PTPRD: variants seen among roughly 807,000 people sequenced by gnomAD.
PTPRD encodes the protein receptor-type tyrosine-protein phosphatase delta.
PTPRD carries 34 observed loss-of-function variants against 214.5 expected under a neutral mutation model. The ratio of observed to expected loss-of-function variants is 0.16; its 90% confidence interval spans 0.12 to 0.21. The LOEUF (loss-of-function observed/expected upper bound fraction) is 0.21, where lower values mean the gene tolerates loss of function less well. Ranked by LOEUF, PTPRD falls within the 10% of genes least tolerant of loss-of-function variation. The pLI, the probability that PTPRD is intolerant of heterozygous loss-of-function variation, is 1.00. For missense variants in PTPRD, 2,545 were observed against 2,398.7 expected (o/e 1.06, Z -1.27); for synonymous variants, 1,128 against 845.7 (o/e 1.33, Z -5.79).
intron 5 of PTPRD, among the ~76,000 whole-genome samples, chr9:9,924,422 A>T (rs903231216): frequency 6.6e-6 from 1 of 152,062 alleles, no homozygotes; most frequent in African/African-American, 2.4e-5. Flanking sequence ...TCTTAATATA[A>T]TACTATTTGA....
At chr9:9,322,103 T>TAC (rs762984686) in intron 9 of PTPRD, among the ~76,000 whole-genome samples, 1 of 152,180 alleles carries the variant, frequency 6.6e-6, no homozygotes, top group East Asian at 1.9e-4. Context: ...GCTCTAAGTG[T>TAC]ACAGGCAAAA....
At chr9:9,299,201 A>T (rs1332340331) in intron 9 of PTPRD, among the ~76,000 whole-genome samples, 1 of 151,830 alleles carries the variant, frequency 6.6e-6, no homozygotes, top group Non-Finnish European at 1.5e-5. Context: ...TTTGGTAATG[A>T]ACATGATATT....
At chr9:10,375,444 T>C (rs528541066) in intron 2 of PTPRD, among the ~76,000 whole-genome samples, 2 of 152,126 alleles carry the variant, frequency 1.3e-5, no homozygotes, top group Non-Finnish European at 2.9e-5. Context: ...GACTACCTAA[T>C]TGTCATTTCA....
At chr9:8,965,655 T>C (rs1465220601) in intron 11 of PTPRD, among the ~76,000 whole-genome samples, 2 of 152,062 alleles carry the variant, frequency 1.3e-5, no homozygotes, top group Non-Finnish European at 2.9e-5. Context: ...GTAAGTGTCA[T>C]CTATGACAAA....
chr9:9,034,951 G>C (rs139872132), intron 10 of PTPRD, among the ~76,000 whole-genome samples: 1 of 152,188 alleles, frequency 6.6e-6, no homozygotes, highest in East Asian at 1.9e-4. Flanking sequence ...TGAAATCTTG[G>C]TCTGAGTTAT....
At chr9:8,335,656 G>C (rs562352874) in intron 43 of PTPRD, among the ~76,000 whole-genome samples, 5 of 152,160 alleles carry the variant, frequency 3.3e-5, no homozygotes, top group Admixed American at 2.0e-4. Context: ...AATCAGGCAA[G>C]AGAAAGAAGT....
intron 4 of PTPRD, among the ~76,000 whole-genome samples, chr9:9,942,272 G>C (rs1211302830): frequency 1.3e-5 from 2 of 151,936 alleles, no homozygotes; most frequent in Non-Finnish European, 2.9e-5. Context: ...AATATTATGG[G>C]TCTTACATTT....
intron 10 of PTPRD, 53 bp downstream of exon 10, chr9:9,183,251 T>C (rs1244841146): frequency 1.3e-5 from 2 of 151,990 alleles, no homozygotes; most frequent in African/African-American, 2.4e-5. Context: ...GTTACTGTAT[T>C]AAGTATTAGG....
chr9:10,453,832 T>C (rs2098875375), intron 2 of PTPRD, among the ~76,000 whole-genome samples: 2 of 151,812 alleles, frequency 1.3e-5, no homozygotes, highest in East Asian at 3.9e-4. Context: ...TTCAGTACTA[T>C]GTTCAATGAA....
At chr9:8,848,160 G>C (rs2097736478) in intron 11 of PTPRD, among the ~76,000 whole-genome samples, 1 of 151,606 alleles carries the variant, frequency 6.6e-6, no homozygotes, top group African/African-American at 2.4e-5. Context: ...AGAGCTGGAG[G>C]CCATCTGCAG....
intron 2 of PTPRD, among the ~76,000 whole-genome samples, chr9:10,534,328 G>A (rs1363532965): frequency 6.6e-6 from 1 of 151,746 alleles, no homozygotes. Context: ...AAAAGCAATG[G>A]TTTTGTATGG....
At chr9:8,653,866 G>T (rs1204726502) in intron 12 of PTPRD, among the ~76,000 whole-genome samples, 1 of 152,082 alleles carries the variant, frequency 6.6e-6, no homozygotes, top group Non-Finnish European at 1.5e-5. Context: ...TGCTTCACTT[G>T]TGCTCTTGAT....
chr9:9,039,562 C>G (rs953925781), intron 10 of PTPRD, among the ~76,000 whole-genome samples: 7 of 152,130 alleles, frequency 4.6e-5, no homozygotes, highest in African/African-American at 1.7e-4. Flanking sequence ...GCTGTCTACA[C>G]CTTTCTGCTA....
At chr9:8,826,788 C>T (rs10116689) in intron 11 of PTPRD, among the ~76,000 whole-genome samples, 86,394 of 151,192 alleles carry the variant, frequency 0.57, 25,523 homozygotes, top group African/African-American at 0.73. Flanking sequence ...GCCTGACAAA[C>T]AGAAGAAATT....
chr9:9,338,481 T>C (rs2045487385), intron 9 of PTPRD, among the ~76,000 whole-genome samples: 1 of 152,204 alleles, frequency 6.6e-6, no homozygotes, highest in Non-Finnish European at 1.5e-5. Context: ...AAAAACATTT[T>C]AATTTTTTAA....
Position 9,756,418 on chromosome 9 carries a change from C to T in PTPRD, c.-326+10392G>A, listed in dbSNP as rs1421272354. On this transcript the variant is annotated intron_variant, in intron 6 of 45. Transcript: ENST00000381196. ...TTTATTCAGTTTTAACAATGGTTTA[C>T]GTTCATTGTATTGGTTACTTTATTG... Among the ~76,000 whole-genome samples, 9 of 152,068 alleles carry T rather than the reference C, an allele frequency of 5.9e-5. No individual in the cohort carries two copies. The South Asian group carries it at 8.3e-4, about 14-fold the overall frequency.
intron 8 of PTPRD, among the ~76,000 whole-genome samples, chr9:9,430,178 T>G (rs576924312): frequency 1.3e-5 from 2 of 152,288 alleles, no homozygotes; most frequent in Admixed American, 1.3e-4. Context: ...AAAATCTCCT[T>G]AAGCTGATAA....
At chr9:8,911,092 C>G (rs2098743733) in intron 11 of PTPRD, among the ~76,000 whole-genome samples, 1 of 152,108 alleles carries the variant, frequency 6.6e-6, no homozygotes, top group African/African-American at 2.4e-5. Context: ...AGTCAAAATG[C>G]TGGCAGGCAT....
chr9:9,845,816 CA>C (rs1170954713), intron 5 of PTPRD, among the ~76,000 whole-genome samples: 6 of 152,008 alleles, frequency 3.9e-5, no homozygotes, highest in African/African-American at 1.4e-4. Context: ...GCAAACCTGG[CA>C]ATAGCTAGCA....
Sources: allele counts gnomAD v4.1 joint callset (sites outside exome capture counted in the v4.1 genomes callset), GRCh38; gene constraint gnomAD v4.1.1; transcripts MANE v1.5; gene names NCBI Gene and HGNC (gene_info 2026-07-23, HGNC 2026-07-21).